USP15: variants seen among roughly 807,000 people sequenced by gnomAD.
USP15 encodes ubiquitin carboxyl-terminal hydrolase 15.
In USP15, 18 loss-of-function variants were observed where a neutral mutation model predicts 127.1. The ratio of observed to expected loss-of-function variants is 0.14; its 90% confidence interval spans 0.10 to 0.21. The LOEUF (loss-of-function observed/expected upper bound fraction) is 0.21. USP15 is among the 10% of genes least tolerant of loss of function. The pLI is 1.00. For synonymous variants in USP15, 364 were observed against 393.7 expected, an observed-to-expected ratio of 0.92 and a Z score of 0.89; for missense variants, 805 against 1,159.9, an observed-to-expected ratio of 0.69 and a Z score of 4.44.
chr12:62,330,728 CTG>C (rs1427043557), intron 6 of USP15, among the ~76,000 whole-genome samples: 1 of 149,610 alleles, frequency 6.7e-6, no homozygotes, highest in Non-Finnish European at 1.5e-5. Context: ...CAAGACGACT[CTG>C]TGCAACATAA....
At chr12:62,374,380 C>T in intron 8 of USP15, 1 of 985,566 alleles carries the variant, frequency 1.0e-6, no homozygotes, top group Non-Finnish European at 1.2e-6. Flanking sequence ...TGTTTTCTTT[C>T]CTGTTCTAGT....
chr12:62,379,245 T>G (rs1350807835), intron 8 of USP15, among the ~76,000 whole-genome samples: 12 of 150,800 alleles, frequency 8.0e-5, no homozygotes, highest in Admixed American at 7.9e-4. Context: ...GAAGTAATGT[T>G]GCAGACTTTC....
At chr12:62,394,719 C>T (rs2137636374) in intron 19 of USP15, among the ~76,000 whole-genome samples, 1 of 151,944 alleles carries the variant, frequency 6.6e-6, no homozygotes, top group African/African-American at 2.4e-5. Context: ...CATGGTTGTG[C>T]GCGCCTGTAG....
chr12:62,323,991 C>T lies in USP15; in HGVS notation c.622-1881C>T, dbSNP rs556686312. 9.5e-4 allele frequency among the ~76,000 whole-genome samples: 135 copies of T among 141,920 alleles called. 1 individual carries two copies. Among genetic ancestry groups the T allele is most frequent in the Non-Finnish European group, 1.8e-3 (113 of 64,316 alleles). The allele number at this position is 141,920 out of a possible 152,430, so 93.1% of individuals were successfully genotyped here. A position where few individuals can be genotyped will look rare whatever the true frequency, so the allele number is the denominator to read the frequency against. ...CCAGAGAAGATAAGTGACATAAACC[C>T]TCTCCTGGACCTTTTTTTTTTTAAT... is the stretch of plus-strand genomic sequence containing the variant. On this transcript the variant is annotated intron_variant, in intron 5 of 21. Transcript: ENST00000280377.
At chr12:62,389,742 A>G in intron 13 of USP15, 43 bp downstream of exon 13, 1 of 1,598,030 alleles carries the variant, frequency 6.3e-7, no homozygotes. Flanking sequence ...TTGAAAAAAA[A>G]TTAATAGAAG....
intron 11 of USP15, among the ~76,000 whole-genome samples, chr12:62,385,160 G>A (rs1592710646): frequency 1.3e-5 from 2 of 151,788 alleles, no homozygotes; most frequent in African/African-American, 4.8e-5. Context: ...TTTGTGGCTG[G>A]TAAATATTAA....
chr12:62,413,998 G>C lies in USP15; in HGVS notation c.*9623G>C, dbSNP rs1050925360. On this transcript the variant is annotated 3_prime_UTR_variant, in exon 22 of 22. Transcript: ENST00000280377. ...TATTAACTGGCCTGGTTTTAATAGT[G>C]TTATGTCTCAGGGAATAGGGAGGCA... The C allele has an allele frequency of 3.9e-5, 6 of 152,312 alleles. No individual in the cohort carries two copies. Among genetic ancestry groups the C allele is most frequent in the Non-Finnish European group, 8.8e-5 (6 of 68,034 alleles). The allele number at this position is 152,312 out of a possible 1,614,324, so 9.4% of individuals were successfully genotyped here. A position where few individuals can be genotyped will look rare whatever the true frequency, so the allele number is the denominator to read the frequency against.
chr12:62,404,655 A>G lies in USP15; in HGVS notation c.*280A>G, dbSNP rs1484073874. The G allele has an allele frequency of 5.0e-6, 1 of 198,518 alleles. No homozygotes were observed. Among genetic ancestry groups the G allele is most frequent in the East Asian group, 1.3e-4 (1 of 7,600 alleles). The allele number at this position is 198,518 out of a possible 1,614,324, so 12.3% of individuals were successfully genotyped here. ...CCCTTTTAAGTTTGCTGCTGTTTTG[A>G]TTAATTATGTTTCCTTTAATTTTTT... On this transcript the variant is annotated 3_prime_UTR_variant, in exon 22 of 22. Coordinates refer to ENST00000280377, the MANE Select transcript of USP15 (RefSeq NM_001252078.2).
intron 1 of USP15, among the ~76,000 whole-genome samples, chr12:62,280,471 G>C (rs2063615950): frequency 6.6e-6 from 1 of 152,170 alleles, no homozygotes; most frequent in Non-Finnish European, 1.5e-5. Context: ...GTACTGGCAG[G>C]TTCTGTGTCT....
chr12:62,338,003 G>A (rs902950087), intron 6 of USP15, among the ~76,000 whole-genome samples: 1 of 152,124 alleles, frequency 6.6e-6, no homozygotes, highest in Non-Finnish European at 1.5e-5. Context: ...CCTAGTAATG[G>A]GATTGCTGGG....
intron 3 of USP15, among the ~76,000 whole-genome samples, chr12:62,310,299 C>G (rs2064625848): frequency 6.6e-6 from 1 of 151,588 alleles, no homozygotes; most frequent in African/African-American, 2.4e-5. Flanking sequence ...GTATAGTCAC[C>G]CTGCTCTGCT....
At chr12:62,348,888 C>G (rs1310783058) in intron 6 of USP15, among the ~76,000 whole-genome samples, 1 of 151,950 alleles carries the variant, frequency 6.6e-6, no homozygotes, top group African/African-American at 2.4e-5. Flanking sequence ...TAGTTTAATT[C>G]CATTGACTGA....
intron 2 of USP15, chr12:62,294,524 G>T (rs1328302937): frequency 4.4e-5 from 17 of 386,548 alleles, no homozygotes; most frequent in Non-Finnish European, 1.3e-5. Flanking sequence ...ATGTAATAAG[G>T]TTTTATTGTT....
At chr12:62,274,212 A>C (rs1466720423) in intron 1 of USP15, 3 of 152,214 alleles carry the variant, frequency 2.0e-5, no homozygotes, top group Non-Finnish European at 4.4e-5. Context: ...GTTAAAAAGG[A>C]GGCTGGGCAC....
chr12:62,400,965 C>T (rs1387752395), intron 20 of USP15, among the ~76,000 whole-genome samples: 1 of 151,726 alleles, frequency 6.6e-6, no homozygotes, highest in Non-Finnish European at 1.5e-5. Flanking sequence ...TCTGTTTTTT[C>T]CTGAGATGAA....
chr12:62,350,619 T>C (rs1158244719), intron 7 of USP15, among the ~76,000 whole-genome samples: 1 of 151,990 alleles, frequency 6.6e-6, no homozygotes, highest in Non-Finnish European at 1.5e-5. Flanking sequence ...AGTAAAGGAA[T>C]TAAATAAGGG....
At chr12:62,264,726 C>T (rs1161488225) in intron 1 of USP15, among the ~76,000 whole-genome samples, 2 of 152,022 alleles carry the variant, frequency 1.3e-5, no homozygotes, top group Non-Finnish European at 2.9e-5. Context: ...AACTTTGAAA[C>T]TAAAAGAAAA....
At chr12:62,304,746 A>C (rs1254817956) in intron 3 of USP15, 5 of 454,584 alleles carry the variant, frequency 1.1e-5, no homozygotes, top group Non-Finnish European at 2.2e-5. Context: ...AAAATCCAAG[A>C]GAAACAGCAG....
chr12:62,320,369 G>A lies in USP15; in HGVS notation c.476-1095G>A, dbSNP rs112229265. Among the ~76,000 whole-genome samples the A allele has an allele frequency of 8.9e-3, 1,352 of 152,210 alleles. 18 individuals carry two copies. The highest frequency in any genetic ancestry group is 0.03 in the African/African-American group (1,254 of 41,512). On this transcript the variant is annotated intron_variant, in intron 4 of 21. Transcript: ENST00000280377. ...TTCCCCTTCGCCTTCCACCATGATT[G>A]TAAGTTTCCTGAGGCCTCCTAGCCA...
Sources: gnomAD v4.1 joint callset for allele counts (sites outside exome capture counted in the v4.1 genomes callset) on GRCh38, gnomAD v4.1.1 for gene constraint, MANE v1.5 for transcripts, NCBI Gene and HGNC (gene_info 2026-07-23, HGNC 2026-07-21) for gene names.